The following ITGB3BP variants were observed in gnomAD, a reference collection of about 807,000 sequenced individuals.
ITGB3BP encodes the protein centromere protein R.
In ITGB3BP, 27 loss-of-function variants were observed where a neutral mutation model predicts 29.1. The ratio of observed to expected loss-of-function variants is 0.93; its 90% CI spans 0.68 to 1.28. ITGB3BP has a LOEUF of 1.28. Among genes scored for constraint, ITGB3BP ranks in the 50% most tolerant of loss-of-function variants. ITGB3BP has a pLI of 0.00. For missense variants in ITGB3BP, 192 were observed against 200.2 expected, an observed-to-expected ratio of 0.96 and a Z score of 0.25; for synonymous variants, 61 against 61.4, an observed-to-expected ratio of 0.99 and a Z score of 0.03.
chr1:63,525,594 G>A (rs752696467), upstream of ITGB3BP: 28 of 1,568,990 alleles, frequency 1.8e-5, no homozygotes, highest in Admixed American at 3.6e-4. Flanking sequence ...TCCACGAAGC[G>A]ATGCAACTTT....
intron 3 of ITGB3BP, among the ~76,000 whole-genome samples, chr1:63,486,040 T>C (rs923770841): frequency 3.9e-5 from 6 of 152,066 alleles, no homozygotes; most frequent in Admixed American, 2.6e-4. Flanking sequence ...ATTTCCTCCT[T>C]GTAGAACTCC....
chr1:63,461,265 A>T (rs994096941), intron 4 of ITGB3BP, among the ~76,000 whole-genome samples: 3 of 150,918 alleles, frequency 2.0e-5, no homozygotes, highest in African/African-American at 7.3e-5. Flanking sequence ...AAAAAAAAAA[A>T]AAAAAAAAAA....
At chr1:63,499,733 A>G (rs1331528174) in intron 2 of ITGB3BP, among the ~76,000 whole-genome samples, 1 of 152,200 alleles carries the variant, frequency 6.6e-6, no homozygotes, top group African/African-American at 2.4e-5. Context: ...TAAAAGAAAA[A>G]AGCACACATG....
At chr1:63,510,186 C>A in intron 1 of ITGB3BP, 3 of 486,486 alleles carry the variant, frequency 6.2e-6, no homozygotes, top group South Asian at 3.1e-5. Context: ...GCAAAACTGT[C>A]TCAAAAAAAA....
At chr1:63,482,440 AGTGATTTGTTCAAGGTG>A (rs1256172067) in intron 3 of ITGB3BP, among the ~76,000 whole-genome samples, 1 of 152,012 alleles carries the variant, frequency 6.6e-6, no homozygotes, top group African/African-American at 2.4e-5. Flanking sequence ...CAGAGGTTCA[AGTGATTTGTTCAAGGTG>A]GTCAAACAAA....
intron 3 of ITGB3BP, among the ~76,000 whole-genome samples, 192 bp downstream of exon 3, chr1:63,489,891 G>A (rs1383102013): frequency 6.6e-6 from 1 of 152,044 alleles, no homozygotes; most frequent in Non-Finnish European, 1.5e-5. Flanking sequence ...AACAAAGCCT[G>A]CAGTTGCATT....
chr1:63,474,926 C>CA (rs371955222), intron 4 of ITGB3BP, among the ~76,000 whole-genome samples: 137,708 of 151,028 alleles, frequency 0.91, 64,065 homozygotes, highest in East Asian at 1. Context: ...AAAAACAAAA[C>CA]AAAACAAAAA....
chr1:63,463,496 G>A (rs1469924313), intron 4 of ITGB3BP, among the ~76,000 whole-genome samples: 1 of 152,132 alleles, frequency 6.6e-6, no homozygotes, highest in East Asian at 1.9e-4. Context: ...GTTATGTTGG[G>A]AAACTAGGAA....
At chr1:63,491,515 C>G (rs1570248344) in intron 2 of ITGB3BP, among the ~76,000 whole-genome samples, 1 of 152,106 alleles carries the variant, frequency 6.6e-6, no homozygotes, top group South Asian at 2.1e-4. Context: ...CATACATTGC[C>G]AACATACTGG....
chr1:63,525,447 A>G, upstream of ITGB3BP: 1 of 696,672 alleles, frequency 1.4e-6, no homozygotes, highest in East Asian at 3.2e-5. Flanking sequence ...ATCTTTTCAT[A>G]TATGTTATAA....
intron 2 of ITGB3BP, among the ~76,000 whole-genome samples, chr1:63,504,592 T>A (rs1233249666): frequency 2.0e-5 from 3 of 152,298 alleles, no homozygotes; most frequent in Non-Finnish European, 2.9e-5. Flanking sequence ...CTTGTGCCAG[T>A]TTTCAAAGGG....
intron 4 of ITGB3BP, among the ~76,000 whole-genome samples, chr1:63,470,474 T>A (rs1015391512): frequency 6.6e-6 from 1 of 152,216 alleles, no homozygotes; most frequent in African/African-American, 2.4e-5. Flanking sequence ...TTTAGCAGTA[T>A]TGATTAGTTT....
chr1:63,458,766 C>CTAT (rs1191677842), intron 4 of ITGB3BP, among the ~76,000 whole-genome samples: 2 of 152,092 alleles, frequency 1.3e-5, no homozygotes, highest in Non-Finnish European at 2.9e-5. Flanking sequence ...CCTGTGTTAA[C>CTAT]TAATAAAGTG....
intron 2 of ITGB3BP, among the ~76,000 whole-genome samples, chr1:63,504,788 G>C (rs968483432): frequency 2.6e-5 from 4 of 152,232 alleles, no homozygotes; most frequent in Admixed American, 2.0e-4. Context: ...TTTGTCGTTG[G>C]TTCTGTTTAT....
chr1:63,481,144 A>C (rs1285751345), intron 3 of ITGB3BP, among the ~76,000 whole-genome samples: 1 of 152,158 alleles, frequency 6.6e-6, no homozygotes, highest in Non-Finnish European at 1.5e-5. Context: ...TTAGGTAATA[A>C]ATAGTAAAGA....
chr1:63,442,098 AAAAC>A (rs761246747), intron 8 of ITGB3BP, among the ~76,000 whole-genome samples: 12 of 152,348 alleles, frequency 7.9e-5, no homozygotes, highest in Non-Finnish European at 1.3e-4. Context: ...TTAAAAAACA[AAAAC>A]AAACAAACAG....
intron 2 of ITGB3BP, among the ~76,000 whole-genome samples, chr1:63,528,552 T>A (rs1219955951): frequency 1.3e-5 from 2 of 152,082 alleles, no homozygotes; most frequent in Non-Finnish European, 2.9e-5. Context: ...AAGTGTACAT[T>A]TTAAAATAAT....
At chr1:63,446,634 G>A (rs1043065388) in intron 8 of ITGB3BP, 172 bp downstream of exon 8, 3 of 587,006 alleles carry the variant, frequency 5.1e-6, no homozygotes, top group Middle Eastern at 4.6e-4. Flanking sequence ...ATGCCCTCCT[G>A]TTGTTGATAA....
intron 1 of ITGB3BP, among the ~76,000 whole-genome samples, chr1:63,511,610 A>G (rs1646201730): frequency 6.6e-6 from 1 of 152,194 alleles, no homozygotes. Context: ...CAGCTTTAAA[A>G]AAAAGAAATG....
Sources: gnomAD v4.1 joint callset for allele counts (sites outside exome capture counted in the v4.1 genomes callset) on GRCh38, gnomAD v4.1.1 for gene constraint, MANE v1.5 for transcripts, NCBI Gene and HGNC (gene_info 2026-07-23, HGNC 2026-07-21) for gene names.